The following FBXL2 variants were observed in gnomAD, a reference collection of about 807,000 sequenced individuals.
The protein encoded by FBXL2 is F-box and leucine rich repeat protein 2.
Under a neutral mutation model 69.2 loss-of-function variants are expected in FBXL2, and 38 were observed. That is an observed-to-expected ratio of 0.55 (90% confidence interval 0.42 to 0.72). FBXL2 has a LOEUF of 0.72. Ranked by LOEUF, FBXL2 falls within the 30% of genes least tolerant of loss-of-function variation. The pLI, the probability that FBXL2 is intolerant of heterozygous loss-of-function variation, is 0.00. For synonymous variants in FBXL2, 192 were observed against 201.3 expected (o/e 0.95, Z 0.39); for missense variants, 354 against 520.3 (o/e 0.68, Z 3.11).
intron 13 of FBXL2, among the ~76,000 whole-genome samples, chr3:33,380,447 A>G (rs1006228799): frequency 3.3e-5 from 5 of 151,286 alleles, no homozygotes; most frequent in Admixed American, 1.3e-4. Flanking sequence ...AATCCCAGCT[A>G]CTAGGGAGGC....
At chr3:33,334,744 G>A (rs1008120852) in intron 2 of FBXL2, among the ~76,000 whole-genome samples, 5 of 152,130 alleles carry the variant, frequency 3.3e-5, no homozygotes, top group East Asian at 1.9e-4. Flanking sequence ...AGAAACCAAC[G>A]ATAAAGAGAA....
intron 2 of FBXL2, among the ~76,000 whole-genome samples, chr3:33,341,200 G>C (rs979694058): frequency 6.6e-6 from 1 of 152,100 alleles, no homozygotes. Context: ...ACCTGAAATT[G>C]ATCAATTTTA....
chr3:33,360,862 C>T (rs893929402), intron 4 of FBXL2, among the ~76,000 whole-genome samples: 10 of 150,700 alleles, frequency 6.6e-5, no homozygotes, highest in African/African-American at 2.2e-4. Flanking sequence ...CTTCATGTCT[C>T]CTCAATTTTG....
At chr3:33,315,047 T>A (rs1255140324) in intron 2 of FBXL2, among the ~76,000 whole-genome samples, 2 of 152,182 alleles carry the variant, frequency 1.3e-5, no homozygotes, top group Non-Finnish European at 2.9e-5. Flanking sequence ...TAAGTTCTTC[T>A]TGAGACTTTT....
intron 2 of FBXL2, among the ~76,000 whole-genome samples, chr3:33,310,848 C>T (rs2037128720): frequency 6.6e-6 from 1 of 152,004 alleles, no homozygotes; most frequent in African/African-American, 2.4e-5. Context: ...AATCTTGGCT[C>T]AATGTAACCT....
chr3:33,422,030 G>A, the FBXL2 span, among the ~76,000 whole-genome samples: 1 of 152,092 alleles, frequency 6.6e-6, no homozygotes. Context: ...GAGACAGAGT[G>A]AGACCCTGTC....
chr3:33,362,120 G>A (rs1025702049), intron 4 of FBXL2, among the ~76,000 whole-genome samples: 3 of 152,136 alleles, frequency 2.0e-5, no homozygotes. Flanking sequence ...TGCATGACTG[G>A]CACATGAAGA....
chr3:33,373,670 GC>G lies in FBXL2; in HGVS notation c.550del (p.Leu184Ter). Reference sequence around the variant, plus strand: ...GAGGCACTGGTGCGAGGTTGTCGAGGCCTGAAAGCCCTGCTCCTGAGGGGCT... The same window carrying G: ...GAGGCACTGGTGCGAGGTTGTCGAGGCTGAAAGCCCTGCTCCTGAGGGGCT... ...GIEALVRGCR[G>X]LKALLLRGCT... is the part of the protein sequence containing the mutation. On this transcript the variant is annotated frameshift_variant, in exon 8 of 15. Coordinates refer to ENST00000484457, the MANE Select transcript of FBXL2 (RefSeq NM_012157.5). LOFTEE classifies it high-confidence loss of function. 6.2e-7 allele frequency: 1 copy of G among 1,614,154 alleles called. No homozygotes were observed. Among genetic ancestry groups the G allele is most frequent in the Non-Finnish European group, 8.5e-7 (1 of 1,180,020 alleles).
At chr3:33,290,567 G>A (rs1048481659) in intron 1 of FBXL2, among the ~76,000 whole-genome samples, 1 of 152,110 alleles carries the variant, frequency 6.6e-6, no homozygotes, top group Non-Finnish European at 1.5e-5. Context: ...TCTCCAAGTA[G>A]AAATGCTAGA....
chr3:33,378,834 GGTATCATCT>G (rs2042818707), intron 13 of FBXL2, 93 bp downstream of exon 13: 4 of 1,605,718 alleles, frequency 2.5e-6, no homozygotes, highest in Admixed American at 1.7e-5. Flanking sequence ...CTTTCTGTAA[GGTATCATCT>G]CTCTTGATTT....
chr3:33,403,602 C>CTATG (rs1294842715), exon 13 of FBXL2: 1 of 152,090 alleles, frequency 6.6e-6, no homozygotes, highest in African/African-American at 2.4e-5. Flanking sequence ...ATCTATCTAT[C>CTATG]TTTCCTTCTT....
In FBXL2 at chr3:33,387,918, A is replaced by AAAT. The variant is rs1313450652; in HGVS notation, c.*2311_*2313dup. On this transcript the variant is annotated 3_prime_UTR_variant, in exon 15 of 15. Coordinates refer to ENST00000484457, the MANE Select transcript of FBXL2 (RefSeq NM_012157.5). Reference sequence around the variant, plus strand: ...CCCGTCTCTACTAAAAATACAAAAAAAATTAGCCGGGCATAGTGGCGGGTG... The same window carrying AAAT: ...CCCGTCTCTACTAAAAATACAAAAAAAATAATTAGCCGGGCATAGTGGCGGGTG... 2 of 152,090 alleles carry AAAT rather than the reference A, an allele frequency of 1.3e-5. No individual in the cohort carries two copies. Among genetic ancestry groups the AAAT allele is most frequent in the African/African-American group, 4.8e-5 (2 of 41,382 alleles). The allele number at this position is 152,090 out of a possible 1,614,324, so 9.4% of individuals were successfully genotyped here. A position where few individuals can be genotyped will look rare whatever the true frequency, so the allele number is the denominator to read the frequency against.
At chr3:33,360,281 T>A (rs770280556) in intron 4 of FBXL2, among the ~76,000 whole-genome samples, 8 of 152,156 alleles carry the variant, frequency 5.3e-5, no homozygotes, top group Non-Finnish European at 1.0e-4. Context: ...GCTAAGCAAT[T>A]TCCTGCTAGC....
At chr3:33,316,095 A>C (rs1037213012) in intron 2 of FBXL2, among the ~76,000 whole-genome samples, 1 of 143,126 alleles carries the variant, frequency 7.0e-6, no homozygotes, top group Admixed American at 7.1e-5. Context: ...GTCTTACTCT[A>C]TTGCCCAGGC....
chr3:33,413,959 T>C, the FBXL2 span, among the ~76,000 whole-genome samples: 1 of 152,094 alleles, frequency 6.6e-6, no homozygotes, highest in Non-Finnish European at 1.5e-5. Context: ...GCACAGAAAA[T>C]ATCACAGTTC....
At chr3:33,411,558 T>G in the FBXL2 span, 7 of 1,603,436 alleles carry the variant, frequency 4.4e-6, no homozygotes, top group Non-Finnish European at 6.0e-6. Context: ...TTAGTAAGCT[T>G]CTAATAATGT....
rs1028030119 is a variant in FBXL2 at position 33,403,179 on chromosome 3, T to C, written n.1215-55T>C. ...AAGGCATTTAAAATATATGCTTAAG[T>C]ATAATTGCTTTGAAGAGCTTTCTCC... On this transcript the variant is annotated intron_variant and non_coding_transcript_variant, in intron 12 of 12. Coordinates refer to the FBXL2 transcript ENST00000463736. 2.7e-5 allele frequency: 9 copies of C among 334,820 alleles called. No individual in the cohort carries two copies. The East Asian group carries it at 6.6e-4, about 25-fold the overall frequency. The allele number at this position is 334,820 out of a possible 1,614,324, so 20.7% of individuals were successfully genotyped here. A position where few individuals can be genotyped will look rare whatever the true frequency, so the allele number is the denominator to read the frequency against.
At chr3:33,392,542 A>G (rs140702425), downstream of FBXL2, 5 of 1,597,338 alleles carry the variant, frequency 3.1e-6, no homozygotes, top group African/African-American at 5.4e-5. Flanking sequence ...GCATTTTAAG[A>G]CACACACACA....
intron 12 of FBXL2, 117 bp from the exon 13 acceptor site, chr3:33,378,568 G>GT (rs2042797542): frequency 9.8e-7 from 1 of 1,020,322 alleles, no homozygotes. Flanking sequence ...GCCCCAGAGT[G>GT]TTTGAGATGA....
Sources: gnomAD v4.1 joint callset for allele counts (sites outside exome capture counted in the v4.1 genomes callset) on GRCh38, gnomAD v4.1.1 for gene constraint, MANE v1.5 for transcripts, NCBI Gene and HGNC (gene_info 2026-07-23, HGNC 2026-07-21) for gene names.